Variants in KAT6B observed in about 807,000 individuals in gnomAD.
KAT6B encodes the protein lysine acetyltransferase 6B.
Under a neutral mutation model 187.5 loss-of-function variants are expected in KAT6B, and 10 were observed. The observed-to-expected ratio is 0.05, with a 90% confidence interval of 0.03 to 0.09. The LOEUF (loss-of-function observed/expected upper bound fraction) is 0.09, where lower values mean the gene tolerates loss of function less well. Ranked by LOEUF, KAT6B falls within the 10% of genes least tolerant of loss-of-function variation. KAT6B has a pLI of 1.00. For missense variants in KAT6B, 1,952 were observed against 2,558.9 expected (o/e 0.76, Z 5.12); for synonymous variants, 861 against 926.8 (o/e 0.93, Z 1.29).
chr10:74,850,861 T>G lies in KAT6B; in HGVS notation c.621+7383T>G, dbSNP rs144260848. Among the ~76,000 whole-genome samples the G allele has an allele frequency of 2.8e-3, 426 of 152,340 alleles. 16 individuals are homozygous for G. Among genetic ancestry groups the G allele is most frequent in the Non-Finnish European group, 2.3e-3 (157 of 68,034 alleles). ...AAAATAAATTCCATAGTATTTCACT[T>G]TAGTGAGAATGTCTTCATAAAATTT... On this transcript the variant is annotated intron_variant, in intron 3 of 17. Coordinates refer to ENST00000287239, the MANE Select transcript of KAT6B (RefSeq NM_012330.4).
chr10:74,848,042 C>T (rs1005207820), intron 3 of KAT6B, among the ~76,000 whole-genome samples: 12 of 151,838 alleles, frequency 7.9e-5, no homozygotes, highest in African/African-American at 2.7e-4. Context: ...CCTCAGCCTC[C>T]CTAGTAGCTG....
rs551399505 is a variant in KAT6B at position 74,832,737 on chromosome 10, T to TGATC, written c.-328-5945_-328-5942dup. 2.6e-5 allele frequency among the ~76,000 whole-genome samples: 4 copies of TGATC among 151,702 alleles called. No homozygotes were observed. In the South Asian group the frequency reaches 8.3e-4, roughly 32 times the overall value. On this transcript the variant is annotated intron_variant, in intron 1 of 17. Transcript: ENST00000287239. ...CTGGTCTCAAACTCCTGACCTCAGG[T>TGATC]GATCCACCTGCCTTGGCCTGTCGAA... is the stretch of plus-strand genomic sequence containing the variant.
chr10:74,955,849 A>G (rs1840651873), intron 3 of KAT6B, among the ~76,000 whole-genome samples: 1 of 152,142 alleles, frequency 6.6e-6, no homozygotes, highest in Non-Finnish European at 1.5e-5. Context: ...AAAGTCCAGA[A>G]TCCAACCACG....
intron 3 of KAT6B, among the ~76,000 whole-genome samples, chr10:74,879,213 T>C (rs901094546): frequency 3.9e-5 from 6 of 152,194 alleles, no homozygotes. Context: ...TTAGTATTGT[T>C]ACCAAGTTCA....
Position 74,879,305 on chromosome 10 carries a change from G to A in KAT6B, c.621+35827G>A, listed in dbSNP as rs117401872. 5.0e-3 allele frequency among the ~76,000 whole-genome samples: 760 copies of A among 152,262 alleles called. 3 individuals are homozygous for A. The highest frequency in any genetic ancestry group is 9.3e-3 in the Non-Finnish European group (635 of 67,994). On this transcript the variant is annotated intron_variant, in intron 3 of 17. Transcript: ENST00000287239. Reference sequence around the variant, plus strand: ...GGGTTGTAGGACTTTGAGTGCTATAGCCTGGAAAGCCCTAGGAAAACCAGG... The same window carrying A: ...GGGTTGTAGGACTTTGAGTGCTATAACCTGGAAAGCCCTAGGAAAACCAGG...
intron 4 of KAT6B, among the ~76,000 whole-genome samples, chr10:74,962,571 A>G (rs1290956709): frequency 6.6e-6 from 1 of 152,216 alleles, no homozygotes; most frequent in Non-Finnish European, 1.5e-5. Context: ...AAAAATACCC[A>G]TAGCAGCATA....
intron 4 of KAT6B, among the ~76,000 whole-genome samples, chr10:74,966,708 C>T (rs567558438): frequency 2.6e-5 from 4 of 152,214 alleles, no homozygotes; most frequent in East Asian, 3.9e-4. Context: ...CACCATGAAA[C>T]GTGTCAACAG....
At chr10:74,914,189 C>CA (rs1339005914) in intron 3 of KAT6B, among the ~76,000 whole-genome samples, 5 of 131,384 alleles carry the variant, frequency 3.8e-5, no homozygotes, top group East Asian at 2.1e-4. Flanking sequence ...CTGTCTCCCA[C>CA]AAAAAAAAGA....
intron 13 of KAT6B, among the ~76,000 whole-genome samples, chr10:75,016,755 G>A (rs1844997938): frequency 6.6e-6 from 1 of 152,096 alleles, no homozygotes; most frequent in Admixed American, 6.5e-5. Flanking sequence ...AAAGTATCCC[G>A]AGTTAAGGAG....
At position 75,021,154 on chromosome 10, in the gene KAT6B, A is replaced by G; in HGVS notation, c.2890A>G (p.Ile964Val). Residue 964 changes from isoleucine (I) to valine (V), a missense_variant, in exon 15 of 18, where the codon ATA (isoleucine) becomes GTA (valine). Around this residue, in one of 9 missense-constraint regions of KAT6B, gnomAD observed 758 missense variants for 891.4 expected, o/e 0.85. Transcript: ENST00000287239. ...TGTCATCATTAGACGGGAAAAGTTG[A>G]TATTGAGCCACATGGAAAAGCTGAA... ...RFVIIRREKLILSHMEKLKTC... is the reference protein window; with the variant it reads ...RFVIIRREKLVLSHMEKLKTC... 1 of 1,614,164 alleles carries G rather than the reference A, an allele frequency of 6.2e-7. No homozygotes were observed. Among genetic ancestry groups the G allele is most frequent in the Non-Finnish European group, 8.5e-7 (1 of 1,179,994 alleles).
At chr10:74,903,056 G>A (rs981819326) in intron 3 of KAT6B, among the ~76,000 whole-genome samples, 2 of 152,164 alleles carry the variant, frequency 1.3e-5, no homozygotes, top group Admixed American at 6.6e-5. Flanking sequence ...GGAAAACAAC[G>A]GGGAAATATG....
At chr10:74,890,331 C>T (rs1845560133) in intron 3 of KAT6B, among the ~76,000 whole-genome samples, 1 of 152,052 alleles carries the variant, frequency 6.6e-6, no homozygotes, top group Non-Finnish European at 1.5e-5. Flanking sequence ...GGGAGGTGAG[C>T]CCACCATTTA....
chr10:74,901,312 A>G (rs1420107887), intron 3 of KAT6B, among the ~76,000 whole-genome samples: 1 of 152,212 alleles, frequency 6.6e-6, no homozygotes, highest in Non-Finnish European at 1.5e-5. Flanking sequence ...ATTATCTCTC[A>G]CATTTTATAA....
At chr10:74,868,198 A>T (rs1455387486) in intron 3 of KAT6B, among the ~76,000 whole-genome samples, 1 of 152,186 alleles carries the variant, frequency 6.6e-6, no homozygotes, top group Non-Finnish European at 1.5e-5. Flanking sequence ...TAGCTGCATA[A>T]CTTTTGGTTT....
At chr10:75,010,712 C>G (rs1844542495) in intron 13 of KAT6B, among the ~76,000 whole-genome samples, 1 of 152,172 alleles carries the variant, frequency 6.6e-6, no homozygotes. Context: ...AATAGCACCC[C>G]TCTCCCACCC....
At chr10:75,005,099 T>C (rs1173495859) in intron 13 of KAT6B, among the ~76,000 whole-genome samples, 1 of 152,210 alleles carries the variant, frequency 6.6e-6, no homozygotes, top group African/African-American at 2.4e-5. Flanking sequence ...AAGAGAACTA[T>C]TCCCCCTTGA....
chr10:74,967,729 A>C (rs965994106), intron 4 of KAT6B, among the ~76,000 whole-genome samples: 1 of 152,230 alleles, frequency 6.6e-6, no homozygotes, highest in African/African-American at 2.4e-5. Flanking sequence ...CATTAAGAGA[A>C]AGAATATTCC....
chr10:75,025,280 T>C, intron 17 of KAT6B, 31 bp downstream of exon 17: 1 of 1,610,126 alleles, frequency 6.2e-7, no homozygotes, highest in Non-Finnish European at 8.5e-7. Flanking sequence ...AACCTTACCC[T>C]TGAGAATGTC....
At position 74,838,683 on chromosome 10, in the gene KAT6B, A is replaced by G. The variant is rs1398480305; in HGVS notation, c.-328A>G. On this transcript the variant is annotated splice_region_variant and 5_prime_UTR_variant, in exon 2 of 18. Transcript: ENST00000287239. ...AACATTTCCTTTTTTCTTTTGGCAGATTTGCCTGAAGACCTGGATAATCTC... is the reference window on the plus strand; with the variant it reads ...AACATTTCCTTTTTTCTTTTGGCAGGTTTGCCTGAAGACCTGGATAATCTC... 6.6e-6 allele frequency: 1 copy of G among 152,196 alleles called. No individual in the cohort carries two copies. The highest frequency in any genetic ancestry group is 1.5e-5 in the Non-Finnish European group (1 of 68,026). 9.4% of individuals were successfully genotyped at this position (152,196 alleles called of 1,614,324 possible).
Sources: gnomAD v4.1 joint callset for allele counts (sites outside exome capture counted in the v4.1 genomes callset) on GRCh38, gnomAD v4.1.1 for gene constraint, gnomAD v4.1.1 regional missense constraint, MANE v1.5 for transcripts, NCBI Gene and HGNC (gene_info 2026-07-23, HGNC 2026-07-21) for gene names.